Variants in CNTNAP2 observed in about 807,000 individuals in gnomAD.
CNTNAP2 encodes the protein contactin associated protein 2.
A neutral mutation model predicts 155.2 loss-of-function variants in CNTNAP2; 98 were observed. That is an observed-to-expected ratio of 0.63 (90% confidence interval 0.54 to 0.75). The LOEUF is 0.75. Among genes scored for constraint, CNTNAP2 ranks in the 30% least tolerant of loss-of-function variants. The pLI, the probability that CNTNAP2 is intolerant of heterozygous loss-of-function variation, is 0.00. For synonymous variants in CNTNAP2, 651 were observed against 631.2 expected, an observed-to-expected ratio of 1.03 and a Z score of -0.47; for missense variants, 1,727 against 1,688.1, an observed-to-expected ratio of 1.02 and a Z score of -0.40.
intron 15 of CNTNAP2, among the ~76,000 whole-genome samples, chr7:148,055,058 T>C (rs1802981843): frequency 6.6e-6 from 1 of 151,872 alleles, no homozygotes; most frequent in African/African-American, 2.4e-5. Context: ...AATTTTTTTG[T>C]ATTTTTAGTA....
chr7:147,441,813 T>TTCTCTTTCTCTCTCTCTCTCTCTC (rs1797640060), intron 10 of CNTNAP2, among the ~76,000 whole-genome samples: 2 of 102,114 alleles, frequency 2.0e-5, no homozygotes, highest in East Asian at 7.3e-4. Flanking sequence ...TGTAGTCTCT[T>TTCTCTTTCTCTCTCTCTCTCTCTC]TCTCTCTCTC....
chr7:148,028,537 C>T (rs1012290795), intron 15 of CNTNAP2, among the ~76,000 whole-genome samples: 2 of 152,182 alleles, frequency 1.3e-5, no homozygotes, highest in East Asian at 3.8e-4. Context: ...GATTGTGTCG[C>T]TGCCTTTCAG....
chr7:146,946,067 T>TC (rs139272159), intron 3 of CNTNAP2, among the ~76,000 whole-genome samples: 1,540 of 139,074 alleles, frequency 0.011, 14 homozygotes, highest in Admixed American at 0.017. Flanking sequence ...GACCCTTCCT[T>TC]CCTTCCCTTC....
chr7:146,849,208 A>G (rs1424291907), intron 3 of CNTNAP2, among the ~76,000 whole-genome samples: 3 of 152,166 alleles, frequency 2.0e-5, no homozygotes, highest in African/African-American at 7.2e-5. Context: ...CCTAGGGCAC[A>G]TTTTTATCTC....
At chr7:146,452,202 C>A (rs963183986) in intron 1 of CNTNAP2, among the ~76,000 whole-genome samples, 1 of 151,920 alleles carries the variant, frequency 6.6e-6, no homozygotes, top group Non-Finnish European at 1.5e-5. Context: ...CCACTGCGCC[C>A]GGCCTCTTCT....
Position 148,138,334 on chromosome 7 carries a change from C to T in CNTNAP2, c.2555-9157C>T, listed in dbSNP as rs11980451. Among the ~76,000 whole-genome samples, 295 of 152,286 alleles carry T rather than the reference C, an allele frequency of 1.9e-3. 1 individual carries two copies. The highest frequency in any genetic ancestry group is 6.7e-3 in the African/African-American group (278 of 41,552). On this transcript the variant is annotated intron_variant, in intron 16 of 23. Coordinates refer to ENST00000361727, the MANE Select transcript of CNTNAP2 (RefSeq NM_014141.6). Reference sequence around the variant, plus strand: ...AGCTTCAGCTTGGTCTGTGTTGAAACTTGTCAGCTTTTCCCCCAATTCATG... The same window carrying T: ...AGCTTCAGCTTGGTCTGTGTTGAAATTTGTCAGCTTTTCCCCCAATTCATG...
chr7:147,739,194 T>G (rs1796913319), intron 13 of CNTNAP2, among the ~76,000 whole-genome samples: 1 of 151,756 alleles, frequency 6.6e-6, no homozygotes, highest in South Asian at 2.1e-4. Flanking sequence ...ACTCATTTCA[T>G]GGGATTATTG....
intron 21 of CNTNAP2, among the ~76,000 whole-genome samples, chr7:148,364,174 C>T (rs1798684950): frequency 6.6e-6 from 1 of 152,244 alleles, no homozygotes; most frequent in Admixed American, 6.5e-5. Flanking sequence ...CCATCGACCA[C>T]CCAAGGGCTG....
At chr7:146,976,926 A>C (rs1797922874) in intron 3 of CNTNAP2, among the ~76,000 whole-genome samples, 1 of 152,164 alleles carries the variant, frequency 6.6e-6, no homozygotes, top group African/African-American at 2.4e-5. Flanking sequence ...TCAGACAAGC[A>C]GATCAGAGAA....
intron 11 of CNTNAP2, among the ~76,000 whole-genome samples, chr7:147,500,266 TCAAAGA>T (rs1347961547): frequency 6.6e-6 from 1 of 152,104 alleles, no homozygotes; most frequent in Non-Finnish European, 1.5e-5. Flanking sequence ...TAAAACCTTA[TCAAAGA>T]CAAAGGCATA....
At chr7:147,465,066 A>G (rs537639948) in intron 10 of CNTNAP2, among the ~76,000 whole-genome samples, 47 of 152,328 alleles carry the variant, frequency 3.1e-4, no homozygotes, top group African/African-American at 1.1e-3. Flanking sequence ...ACAGAAAAAT[A>G]TCACGTTCTC....
intron 21 of CNTNAP2, among the ~76,000 whole-genome samples, chr7:148,315,563 G>A (rs1219665713): frequency 6.6e-6 from 1 of 152,200 alleles, no homozygotes; most frequent in African/African-American, 2.4e-5. Context: ...ATCTGGATGT[G>A]TACATGCAGG....
chr7:146,961,763 C>T (rs918590002), intron 3 of CNTNAP2, among the ~76,000 whole-genome samples: 12 of 152,142 alleles, frequency 7.9e-5, no homozygotes, highest in Admixed American at 2.0e-4. Context: ...ACACAAGACA[C>T]AGTCTTGAGG....
intron 2 of CNTNAP2, among the ~76,000 whole-genome samples, chr7:146,830,831 A>G (rs1803494990): frequency 6.6e-6 from 1 of 152,184 alleles, no homozygotes; most frequent in Non-Finnish European, 1.5e-5. Flanking sequence ...GAGAATAAAA[A>G]TATTAAAAAT....
chr7:146,801,936 A>G (rs1297853077), intron 2 of CNTNAP2, among the ~76,000 whole-genome samples: 2 of 152,234 alleles, frequency 1.3e-5, no homozygotes, highest in Non-Finnish European at 2.9e-5. Context: ...TATGAATCTC[A>G]GTGACCATGC....
Position 147,240,588 on chromosome 7 carries a change from A to G in CNTNAP2, c.1349-59553A>G, listed in dbSNP as rs78995564. On this transcript the variant is annotated intron_variant, in intron 8 of 23. Transcript: ENST00000361727. ...ACGTTTGACTCAGCTGTCTATCTCC[A>G]TAGCCTCTGTGGTGTTCGAGTTCCC... Among the ~76,000 whole-genome samples the G allele has an allele frequency of 9.8e-3, 1,489 of 152,306 alleles. 17 individuals carry two copies. Among genetic ancestry groups the G allele is most frequent in the Non-Finnish European group, 0.016 (1,073 of 68,030 alleles).
At chr7:147,373,119 T>C (rs1796376356) in intron 9 of CNTNAP2, among the ~76,000 whole-genome samples, 1 of 152,068 alleles carries the variant, frequency 6.6e-6, no homozygotes, top group Non-Finnish European at 1.5e-5. Flanking sequence ...AAAGGGCAAT[T>C]AGCATTTGTA....
intron 12 of CNTNAP2, among the ~76,000 whole-genome samples, chr7:147,574,540 C>G (rs905242825): frequency 2.0e-5 from 3 of 152,078 alleles, no homozygotes; most frequent in Non-Finnish European, 4.4e-5. Flanking sequence ...GCAGAGGAAG[C>G]TGAGTGTTCC....
intron 13 of CNTNAP2, among the ~76,000 whole-genome samples, chr7:147,839,666 C>T (rs572492565): frequency 2.0e-5 from 3 of 152,088 alleles, no homozygotes; most frequent in Admixed American, 6.5e-5. Context: ...GTGTGACAAC[C>T]AAAATGTCTC....
Sources: allele counts gnomAD v4.1 joint callset (sites outside exome capture counted in the v4.1 genomes callset), GRCh38; gene constraint gnomAD v4.1.1; transcripts MANE v1.5; gene names NCBI Gene and HGNC (gene_info 2026-07-23, HGNC 2026-07-21).